Variants in SLC27A6 observed in about 807,000 individuals in gnomAD.
SLC27A6 encodes solute carrier family 27 member 6.
In SLC27A6, 74 loss-of-function variants were observed where a neutral mutation model predicts 63.9. The observed-to-expected ratio is 1.16, with a 90% CI of 0.96 to 1.40. The LOEUF (loss-of-function observed/expected upper bound fraction) is 1.40. Ranked by LOEUF, SLC27A6 falls within the 40% of genes most tolerant of loss-of-function variation. SLC27A6 has a pLI of 0.00. For missense variants in SLC27A6, 794 were observed against 732.9 expected (o/e 1.08, Z -0.96); for synonymous variants, 287 against 260.8 (o/e 1.10, Z -0.97).
intron 4 of SLC27A6, among the ~76,000 whole-genome samples, chr5:129,000,922 A>G (rs1036885604): frequency 2.0e-5 from 3 of 152,188 alleles, no homozygotes; most frequent in Non-Finnish European, 4.4e-5. Context: ...AGCTATTCAG[A>G]GTAAGTAGTC....
intron 9 of SLC27A6, among the ~76,000 whole-genome samples, chr5:129,032,726 T>G (rs756604703): frequency 1.2e-4 from 18 of 152,156 alleles, no homozygotes; most frequent in Non-Finnish European, 1.9e-4. Context: ...TAGATTTGTG[T>G]GTACCTGTAG....
chr5:129,023,555 A>G (rs1251931547), intron 5 of SLC27A6, 65 bp from the exon 6 acceptor site: 1 of 1,166,830 alleles, frequency 8.6e-7, no homozygotes, highest in Non-Finnish European at 1.2e-6. Context: ...AATTGCTTGT[A>G]CAAGTAACTA....
At chr5:129,017,043 C>G (rs1230325120) in intron 5 of SLC27A6, among the ~76,000 whole-genome samples, 1 of 152,148 alleles carries the variant, frequency 6.6e-6, no homozygotes, top group Non-Finnish European at 1.5e-5. Flanking sequence ...TAAAGCAAAA[C>G]TGGTATAGCT....
Position 129,033,387 on chromosome 5 carries a change from T to C in SLC27A6, c.*105T>C. Reference sequence around the variant, plus strand: ...AGGGAGCTAACATTAATTATGCATGTACTATATTTCCTTAATATGAGAGAT... The same window carrying C: ...AGGGAGCTAACATTAATTATGCATGCACTATATTTCCTTAATATGAGAGAT... On this transcript the variant is annotated 3_prime_UTR_variant, in exon 10 of 10. Transcript: ENST00000262462. 1.7e-6 allele frequency: 1 copy of C among 575,850 alleles called. No homozygotes were observed. Among genetic ancestry groups the C allele is most frequent in the East Asian group, 3.2e-5 (1 of 31,092 alleles). 35.7% of individuals were successfully genotyped at this position (575,850 alleles called of 1,614,324 possible).
chr5:129,009,253 T>C (rs893156143), intron 4 of SLC27A6, among the ~76,000 whole-genome samples: 3 of 152,230 alleles, frequency 2.0e-5, no homozygotes, highest in African/African-American at 7.2e-5. Context: ...GCATTATCAG[T>C]ACTTGATCTC....
intron 4 of SLC27A6, among the ~76,000 whole-genome samples, chr5:128,998,748 T>G (rs753562026): frequency 3.3e-5 from 5 of 152,164 alleles, no homozygotes; most frequent in Admixed American, 6.6e-5. Context: ...GACTATTCCT[T>G]AAATTTTCTA....
intron 4 of SLC27A6, among the ~76,000 whole-genome samples, chr5:128,994,661 T>C (rs1256238803): frequency 2.0e-5 from 3 of 152,184 alleles, no homozygotes; most frequent in Non-Finnish European, 4.4e-5. Flanking sequence ...CCACAGACAG[T>C]TATTTAAAAG....
At chr5:128,995,507 G>A (rs1360588236) in intron 4 of SLC27A6, among the ~76,000 whole-genome samples, 2 of 152,166 alleles carry the variant, frequency 1.3e-5, no homozygotes, top group African/African-American at 4.8e-5. Context: ...ACAAAACAGG[G>A]TGCGGTGATG....
At chr5:128,970,326 A>T (rs1434203186) in intron 1 of SLC27A6, among the ~76,000 whole-genome samples, 3 of 152,144 alleles carry the variant, frequency 2.0e-5, no homozygotes, top group Non-Finnish European at 4.4e-5. Context: ...ATAGTTTCAG[A>T]AGGAATGGTA....
intron 1 of SLC27A6, among the ~76,000 whole-genome samples, chr5:128,978,074 C>A (rs983233370): frequency 2.0e-5 from 3 of 152,062 alleles, no homozygotes; most frequent in Non-Finnish European, 4.4e-5. Flanking sequence ...TGTTCTAATC[C>A]AAAAATACAC....
intron 2 of SLC27A6, among the ~76,000 whole-genome samples, chr5:128,985,707 A>C (rs1750764541): frequency 6.6e-6 from 1 of 152,202 alleles, no homozygotes; most frequent in Non-Finnish European, 1.5e-5. Context: ...AATTTCTGAT[A>C]TCTAAAATGA....
intron 4 of SLC27A6, among the ~76,000 whole-genome samples, chr5:129,005,739 A>C (rs1471012171): frequency 6.7e-6 from 1 of 149,286 alleles, no homozygotes; most frequent in Non-Finnish European, 1.5e-5. Flanking sequence ...CAGCCTCCCG[A>C]GTAGCTGGGA....
At chr5:129,022,412 C>A (rs539517865) in intron 5 of SLC27A6, among the ~76,000 whole-genome samples, 15 of 152,102 alleles carry the variant, frequency 9.9e-5, no homozygotes, top group African/African-American at 3.4e-4. Flanking sequence ...TGCTTATTTT[C>A]CTAATGCTAA....
intron 4 of SLC27A6, among the ~76,000 whole-genome samples, chr5:129,012,187 A>G (rs1420975615): frequency 6.6e-6 from 1 of 151,892 alleles, no homozygotes; most frequent in Non-Finnish European, 1.5e-5. Flanking sequence ...AATACTTTTT[A>G]AATTTTCATT....
chr5:128,990,593 A>G, intron 4 of SLC27A6, 129 bp downstream of exon 4: 1 of 952,200 alleles, frequency 1.1e-6, no homozygotes, highest in Non-Finnish European at 1.5e-6. Flanking sequence ...AGAGCTTCCA[A>G]GATAGTGGCA....
At chr5:129,008,635 G>C (rs926070922) in intron 4 of SLC27A6, among the ~76,000 whole-genome samples, 7 of 152,192 alleles carry the variant, frequency 4.6e-5, no homozygotes, top group Admixed American at 4.6e-4. Context: ...TTCCATGCCA[G>C]GCAGGCAAAA....
chr5:129,028,330 A>AT lies in SLC27A6; in HGVS notation c.1455-8dup, dbSNP rs540932593. The AT allele has an allele frequency of 1.0e-5, 16 of 1,576,082 alleles. No individual in the cohort carries two copies. Among genetic ancestry groups the AT allele is most frequent in the South Asian group, 2.2e-5 (2 of 89,830 alleles). ...ATACAGGTGCACTAACTGGAATTTG[A>AT]TTTTTTTCATTTAGATGGAAAGGAG... On this transcript the variant is annotated splice_polypyrimidine_tract_variant and intron_variant, in intron 7 of 9. Coordinates refer to ENST00000262462, the MANE Select transcript of SLC27A6 (RefSeq NM_001017372.3).
At position 128,988,722 on chromosome 5, in the gene SLC27A6, G is replaced by A; in HGVS notation, c.808G>A (p.Ala270Thr). 2.5e-6 allele frequency: 4 copies of A among 1,613,348 alleles called. No individual in the cohort carries two copies. The highest frequency in any genetic ancestry group is 2.5e-6 in the Non-Finnish European group (3 of 1,179,662). ...YITLPLYHSSAAILGISGCVE... is the reference protein window; with the variant it reads ...YITLPLYHSSTAILGISGCVE... ...AACCCTTCCTCTGTATCATAGTTCAGCAGCTATCCTGGGAATTTCTGGATG... is the reference window on the plus strand; with the variant it reads ...AACCCTTCCTCTGTATCATAGTTCAACAGCTATCCTGGGAATTTCTGGATG... The change falls in exon 3 of 10, where the codon GCA becomes ACA. Residue 270 changes from alanine to threonine, a missense_variant. Coordinates refer to ENST00000262462, the MANE Select transcript of SLC27A6 (RefSeq NM_001017372.3).
chr5:128,969,836 T>C (rs1384771865), intron 1 of SLC27A6, among the ~76,000 whole-genome samples: 1 of 152,210 alleles, frequency 6.6e-6, no homozygotes, highest in Non-Finnish European at 1.5e-5. Context: ...ATCCCTGTCT[T>C]GTGCCAGTTT....
Sources: allele counts gnomAD v4.1 joint callset (sites outside exome capture counted in the v4.1 genomes callset), GRCh38; gene constraint gnomAD v4.1.1; transcripts MANE v1.5; gene names NCBI Gene and HGNC (gene_info 2026-07-23, HGNC 2026-07-21).